The following KYAT1 variants were observed in gnomAD, a reference collection of about 807,000 sequenced individuals.
The protein encoded by KYAT1 is kynurenine aminotransferase 1.
Under a neutral mutation model 52.4 loss-of-function variants are expected in KYAT1, and 47 were observed. That is an observed-to-expected ratio of 0.90 (90% CI 0.71 to 1.14). KYAT1 has a LOEUF of 1.14. KYAT1 is among the 50% of genes most tolerant of loss of function. The pLI, the probability that KYAT1 is intolerant of heterozygous loss-of-function variation, is 0.00. For synonymous variants in KYAT1, 212 were observed against 209.6 expected, an observed-to-expected ratio of 1.01 and a Z score of -0.10; for missense variants, 480 against 557.9, an observed-to-expected ratio of 0.86 and a Z score of 1.41.
chr9:128,840,538 A>C (rs1273697197), intron 3 of KYAT1: 7 of 399,384 alleles, frequency 1.8e-5, no homozygotes, highest in African/African-American at 4.3e-5. Context: ...GGCGTGAGCC[A>C]CCATACCCAG....
In KYAT1 at chr9:128,835,551, T is replaced by C. The variant is rs1347702486; in HGVS notation, c.972A>G (p.Leu324=). 6.2e-7 allele frequency: 1 copy of C among 1,613,726 alleles called. No homozygotes were observed. Among genetic ancestry groups the C allele is most frequent in the South Asian group, 1.1e-5 (1 of 91,090 alleles). Reference sequence around the variant, plus strand: ...TGATGGGCTTCAGGCCCACTGACTGTAGGCTACGTATCATGTGGTCACGGC... The same window carrying C: ...TGATGGGCTTCAGGCCCACTGACTGCAGGCTACGTATCATGTGGTCACGGC... ...QRCRDHMIRS[L]QSVGLKPIIP... Residue 324 remains leucine (L), a synonymous_variant, in exon 10 of 13, where the codon CTA becomes CTG. Coordinates refer to ENST00000302586, the MANE Select transcript of KYAT1 (RefSeq NM_004059.5).
chr9:128,865,340 TATATATA>T (rs1564491692), intron 1 of KYAT1, among the ~76,000 whole-genome samples: 18 of 2,218 alleles, frequency 8.1e-3, no homozygotes, highest in East Asian at 0.029. Flanking sequence ...TATATATATA[TATATATA>T]TATATATATA....
intron 3 of KYAT1, among the ~76,000 whole-genome samples, chr9:128,839,448 C>T (rs181366582): frequency 2.0e-5 from 3 of 152,156 alleles, no homozygotes; most frequent in Admixed American, 6.5e-5. Context: ...CAAGGTGAAA[C>T]CCCGTCTCTA....
chr9:128,851,731 C>T (rs934585974), intron 1 of KYAT1, among the ~76,000 whole-genome samples: 1 of 152,130 alleles, frequency 6.6e-6, no homozygotes, highest in Non-Finnish European at 1.5e-5. Flanking sequence ...GAGGCAGAGA[C>T]AGAGTTCAAG....
In KYAT1 at chr9:128,838,134, T is replaced by C. The variant is rs1831472978; in HGVS notation, c.355A>G (p.Ile119Val). 7 of 1,614,196 alleles carry C rather than the reference T, an allele frequency of 4.3e-6. No homozygotes were observed. Among genetic ancestry groups the C allele is most frequent in the Admixed American group, 1.7e-5 (1 of 60,024 alleles). Residue 119 changes from isoleucine (I) to valine (V), a missense_variant, in exon 5 of 13, where the codon ATC becomes GTC. By Grantham distance (29) the Ile-to-Val change is conservative. Transcript: ENST00000302586. ...QALVDEGDEVIIIEPFFDCYE... is the reference protein window; with the variant it reads ...QALVDEGDEVVIIEPFFDCYE... Reference sequence around the variant, plus strand: ...CAGTCAAAAAAGGGTTCGATGATGATGACCTGATATAAGGGTCAAATCAGC... The same window carrying C: ...CAGTCAAAAAAGGGTTCGATGATGACGACCTGATATAAGGGTCAAATCAGC...
chr9:128,838,421 C>T lies in KYAT1; in HGVS notation c.202-54G>A, dbSNP rs1831536040. ...AGCTCAGCCTGGGCCCATCCTCCGG[C>T]CCAGCTGTATCCAGGCAATTCTAGC... is the stretch of plus-strand genomic sequence containing the variant. On this transcript the variant is annotated intron_variant, in intron 3 of 12. Coordinates refer to ENST00000302586, the MANE Select transcript of KYAT1 (RefSeq NM_004059.5). 2.5e-6 allele frequency: 4 copies of T among 1,608,214 alleles called. No individual in the cohort carries two copies. The African/African-American group carries it at 5.3e-5, about 21-fold the overall frequency.
intron 1 of KYAT1, among the ~76,000 whole-genome samples, chr9:128,869,866 G>A (rs540514359): frequency 9.2e-5 from 14 of 151,620 alleles, no homozygotes; most frequent in African/African-American, 2.9e-4. Flanking sequence ...CGATTCTCCT[G>A]CCTCAGCCTC....
At chr9:128,845,313 G>A (rs751140650) in intron 2 of KYAT1, 40 bp downstream of exon 2, 22 of 1,590,490 alleles carry the variant, frequency 1.4e-5, no homozygotes, top group South Asian at 4.4e-5. Flanking sequence ...ACCCATGCCC[G>A]AGGGGACACC....
chr9:128,869,756 CTTT>C (rs898055948), intron 1 of KYAT1, among the ~76,000 whole-genome samples: 1 of 141,994 alleles, frequency 7.0e-6, no homozygotes, highest in Non-Finnish European at 1.6e-5. Flanking sequence ...TGATAATGTA[CTTT>C]TTTTTTTTTT....
chr9:128,870,517 G>A (rs1398043925), intron 1 of KYAT1, among the ~76,000 whole-genome samples: 1 of 152,106 alleles, frequency 6.6e-6, no homozygotes, highest in Non-Finnish European at 1.5e-5. Context: ...TGTGCCTGTA[G>A]TCCCAGATAA....
chr9:128,864,306 T>C (rs943078650), intron 1 of KYAT1, among the ~76,000 whole-genome samples: 1 of 139,300 alleles, frequency 7.2e-6, no homozygotes, highest in African/African-American at 2.7e-5. Context: ...GCGAAGATTG[T>C]AGTGAGCCGA....
chr9:128,844,951 T>C (rs1159904694), intron 2 of KYAT1, among the ~76,000 whole-genome samples: 1 of 152,192 alleles, frequency 6.6e-6, no homozygotes, highest in Non-Finnish European at 1.5e-5. Flanking sequence ...TGTATCTTAC[T>C]TGCTTATTTT....
chr9:128,877,726 T>C (rs59949703), intron 1 of KYAT1, among the ~76,000 whole-genome samples: 8,437 of 152,230 alleles, frequency 0.055, 281 homozygotes, highest in African/African-American at 0.096. Context: ...CATTCGGTTT[T>C]GGAGCTTCTC....
rs772677512 is a variant in KYAT1, at chr9:128,836,940, G to T, written c.568-18C>A. 2 of 1,608,400 alleles carry T rather than the reference G, an allele frequency of 1.2e-6. No homozygotes were observed. The highest frequency in any genetic ancestry group is 4.5e-5 in the East Asian group (2 of 44,870). ...GAGAACACCTGCAGATGCCCAAGGAGAGCACAGACCTGCAGCTGGGACCGT... is the reference window on the plus strand; with the variant it reads ...GAGAACACCTGCAGATGCCCAAGGATAGCACAGACCTGCAGCTGGGACCGT... On this transcript the variant is annotated intron_variant, in intron 6 of 12. Coordinates refer to ENST00000302586, the MANE Select transcript of KYAT1 (RefSeq NM_004059.5).
At chr9:128,847,973 T>A (rs999992603) in intron 1 of KYAT1, among the ~76,000 whole-genome samples, 2 of 152,150 alleles carry the variant, frequency 1.3e-5, no homozygotes, top group Admixed American at 1.3e-4. Flanking sequence ...CACTGTTGAA[T>A]GACTAAAATA....
At chr9:128,865,839 G>A (rs1317371274) in intron 1 of KYAT1, among the ~76,000 whole-genome samples, 1 of 152,140 alleles carries the variant, frequency 6.6e-6, no homozygotes, top group Non-Finnish European at 1.5e-5. Context: ...CCAGGACCAG[G>A]TTAGCGAAGT....
intron 1 of KYAT1, among the ~76,000 whole-genome samples, chr9:128,865,330 TA>T (rs1836110522): frequency 0.01 from 25 of 2,462 alleles, 1 homozygote; most frequent in East Asian, 0.04. Context: ...TATATATATA[TA>T]TATATATATA....
At chr9:128,858,756 C>A (rs1835035038) in intron 1 of KYAT1, among the ~76,000 whole-genome samples, 1 of 151,712 alleles carries the variant, frequency 6.6e-6, no homozygotes, top group Non-Finnish European at 1.5e-5. Context: ...GCTTATAATT[C>A]CAGCACTTCG....
intron 1 of KYAT1, among the ~76,000 whole-genome samples, chr9:128,867,916 G>A (rs932410120): frequency 6.6e-6 from 1 of 152,076 alleles, no homozygotes; most frequent in Non-Finnish European, 1.5e-5. Flanking sequence ...GGGACTACAG[G>A]TGCCCACCAC....
Sources: gnomAD v4.1 joint callset for allele counts (sites outside exome capture counted in the v4.1 genomes callset) on GRCh38, gnomAD v4.1.1 for gene constraint, MANE v1.5 for transcripts, NCBI Gene and HGNC (gene_info 2026-07-23, HGNC 2026-07-21) for gene names.